CYP1A1: variants seen among roughly 807,000 people sequenced by gnomAD.
CYP1A1 encodes the protein cytochrome P450 1A1.
A neutral mutation model predicts 33.6 loss-of-function variants in CYP1A1; 43 were observed. That is an observed-to-expected ratio of 1.28 (90% CI 1.00 to 1.65). The LOEUF is 1.65. Among genes scored for constraint, CYP1A1 ranks in the 40% most tolerant of loss-of-function variants. CYP1A1 has a pLI of 0.00. For synonymous variants in CYP1A1, 280 were observed against 257.8 expected (o/e 1.09, Z -0.83); for missense variants, 637 against 653.7 (o/e 0.97, Z 0.28).
intron 1 of CYP1A1, among the ~76,000 whole-genome samples, chr15:74,723,448 C>G (rs1452978031): frequency 6.6e-6 from 1 of 152,160 alleles, no homozygotes; most frequent in African/African-American, 2.4e-5. Context: ...TTCCAGAACG[C>G]TTTCTCTTAA....
chr15:74,723,064 A>G lies in CYP1A1; in HGVS notation c.34T>C (p.Phe12Leu). The change falls in exon 2 of 7, where the codon TTT becomes CTT. Residue 12 changes from phenylalanine (F) to leucine (L), a missense_variant. Transcript: ENST00000379727. ...CAGAAGATGACAGAGGCCAGAAGAA[A>G]CTCCGTGGCCGACATGGAGATTGGG... ...LFPISMSATE[F>L]LLASVIFCLV... The G allele has an allele frequency of 1.3e-6, 2 of 1,599,126 alleles. No individual in the cohort carries two copies. Among genetic ancestry groups the G allele is most frequent in the Non-Finnish European group, 8.5e-7 (1 of 1,170,300 alleles).
chr15:74,724,403 C>T (rs1291493039), intron 1 of CYP1A1, among the ~76,000 whole-genome samples: 1 of 152,080 alleles, frequency 6.6e-6, no homozygotes, highest in Non-Finnish European at 1.5e-5. Flanking sequence ...TCAAAGTGAT[C>T]TTGGACTGCA....
chr15:74,721,238 A>T lies in CYP1A1; in HGVS notation c.1127T>A (p.Phe376Tyr), dbSNP rs1276203155. Residue 376 changes from phenylalanine (F) to tyrosine (Y), a missense_variant, in exon 5 of 7, where the codon TTC (phenylalanine) becomes TAC (tyrosine). Phe to Tyr is a conservative substitution (Grantham distance 22). Transcript: ENST00000379727. ...GAAGGGGACGAAGGAAGAGTGTCGG[A>T]AGGTCTCCAGGATGAAGGCCTCCAT... ...PYMEAFILET[F>Y]RHSSFVPFTI... 3 of 1,613,774 alleles carry T rather than the reference A, an allele frequency of 1.9e-6. No individual in the cohort carries two copies. The highest frequency in any genetic ancestry group is 4.5e-5 in the East Asian group (2 of 44,870).
chr15:74,720,888 T>C, intron 6 of CYP1A1, 79 bp downstream of exon 6: 1 of 1,566,916 alleles, frequency 6.4e-7, no homozygotes, highest in Non-Finnish European at 8.7e-7. Flanking sequence ...GACAGGAGGA[T>C]CAATGCAATG....
In CYP1A1 at chr15:74,725,439, A is replaced by G. The variant is rs909841099; in HGVS notation, c.-30+2T>C. On this transcript the variant is annotated splice_donor_variant, in intron 1 of 6. Transcript: ENST00000379727. LOFTEE classifies it low-confidence loss of function (5UTR_SPLICE). ...CAAGCCAGAAGTCCCCCAGCAACTC[A>G]CCTGAGGTACTGAGCTGAGCTGGGA... The G allele has an allele frequency of 2.6e-5, 4 of 151,984 alleles. No homozygotes were observed. Among genetic ancestry groups the G allele is most frequent in the African/African-American group, 9.7e-5 (4 of 41,278 alleles). The allele number at this position is 151,984 out of a possible 1,614,324, so 9.4% of individuals were successfully genotyped here.
chr15:74,721,145 A>G (rs2063166186), intron 5 of CYP1A1, 54 bp downstream of exon 5: 3 of 1,608,260 alleles, frequency 1.9e-6, no homozygotes, highest in Non-Finnish European at 1.7e-6. Flanking sequence ...CTAATCAGGT[A>G]TGTGGTCCGG....
In CYP1A1 at chr15:74,722,808, A is replaced by T; in HGVS notation, c.290T>A (p.Val97Glu). Residue 97 changes from valine to glutamate, a missense_variant, in exon 2 of 7, where the codon GTG becomes GAG. Coordinates refer to ENST00000379727, the MANE Select transcript of CYP1A1 (RefSeq NM_001319217.2). ...SGLDTIRQALVRQGDDFKGRP... is the reference protein window; with the variant it reads ...SGLDTIRQALERQGDDFKGRP... ...GCCCTTGAAATCATCGCCCTGCCGC[A>T]CCAGGGCCTGCCGGATGGTGTCCAG... The T allele has an allele frequency of 1.9e-6, 3 of 1,613,930 alleles. No individual in the cohort carries two copies. In the South Asian group the frequency reaches 3.3e-5, roughly 18 times the overall value.
At position 74,720,551 on chromosome 15, in the gene CYP1A1, TG is replaced by T; in HGVS notation, c.1476del (p.Ile493SerfsTer4). ...VPLGVKVDMT[P>X]IYGLTMKHAC... ...GCATGCTTCATGGTTAGCCCATAGA[TG>T]GGGGTCATGTCCACCTTCACGCCCA... On this transcript the variant is annotated frameshift_variant, in exon 7 of 7. Coordinates refer to ENST00000379727, the MANE Select transcript of CYP1A1 (RefSeq NM_001319217.2). LOFTEE classifies it high-confidence loss of function. The T allele has an allele frequency of 6.2e-7, 1 of 1,610,518 alleles. No homozygotes were observed. Among genetic ancestry groups the T allele is most frequent in the Non-Finnish European group, 8.5e-7 (1 of 1,178,220 alleles).
In CYP1A1 at chr15:74,720,238, A is replaced by G. The variant is rs2063156623; in HGVS notation, c.*251T>C. ...TAGCAGGCCTCCTGGCTCAAGCACA[A>G]CTTGGGAAGGCTCCATCAGCATCTA... is the stretch of plus-strand genomic sequence containing the variant. On this transcript the variant is annotated 3_prime_UTR_variant, in exon 7 of 7. Coordinates refer to ENST00000379727, the MANE Select transcript of CYP1A1 (RefSeq NM_001319217.2). 2.6e-6 allele frequency: 1 copy of G among 390,258 alleles called. No individual in the cohort carries two copies. The highest frequency in any genetic ancestry group is 4.5e-6 in the Non-Finnish European group (1 of 222,136). The allele number at this position is 390,258 out of a possible 1,614,324, so 24.2% of individuals were successfully genotyped here.
intron 6 of CYP1A1, 77 bp from the exon 7 acceptor site, chr15:74,720,851 G>GGATA: frequency 6.4e-7 from 1 of 1,570,506 alleles, no homozygotes; most frequent in Non-Finnish European, 8.7e-7. Context: ...CAGCCCCAAA[G>GGATA]GATAGAGGAC....
chr15:74,723,442 A>C (rs915147811), intron 1 of CYP1A1, among the ~76,000 whole-genome samples: 8 of 152,216 alleles, frequency 5.3e-5, no homozygotes, highest in Non-Finnish European at 1.0e-4. Context: ...GCCTAATTCC[A>C]GAACGCTTTC....
At chr15:74,724,106 GT>G (rs4646419) in intron 1 of CYP1A1, among the ~76,000 whole-genome samples, 64 of 151,146 alleles carry the variant, frequency 4.2e-4, no homozygotes, top group African/African-American at 1.6e-3. Flanking sequence ...CCAGGCCAGG[GT>G]TTTTTTTTGG....
chr15:74,722,463 TGGTGGTTGTGGTCATAGC>T lies in CYP1A1; in HGVS notation c.617_634del (p.Arg206_His211del). 1 of 1,613,956 alleles carries T rather than the reference TGGTGGTTGTGGTCATAGC, an allele frequency of 6.2e-7. No individual in the cohort carries two copies. Among genetic ancestry groups the T allele is most frequent in the Non-Finnish European group, 8.5e-7 (1 of 1,179,978 alleles). On this transcript the variant is annotated inframe_deletion, in exon 2 of 7. Coordinates refer to ENST00000379727, the MANE Select transcript of CYP1A1 (RefSeq NM_001319217.2). ...CAGGTTGACTAGGCTAAGCAGTTCT[TGGTGGTTGTGGTCATAGC>T]GCCGGCCAAAGCAAATGGCACAGAT...
At chr15:74,722,232 A>G (rs1436671265) in intron 2 of CYP1A1, 41 bp downstream of exon 2, 13 of 1,550,046 alleles carry the variant, frequency 8.4e-6, no homozygotes, top group Middle Eastern at 1.7e-4. Context: ...CCCTGATGCC[A>G]TCTGCTTCCC....
At chr15:74,723,650 G>A (rs1357790250) in intron 1 of CYP1A1, among the ~76,000 whole-genome samples, 1 of 152,008 alleles carries the variant, frequency 6.6e-6, no homozygotes, top group African/African-American at 2.4e-5. Context: ...CATAATCAAG[G>A]TGTATCACCC....
In CYP1A1 at chr15:74,721,454, C is replaced by T; in HGVS notation, c.1002G>A (p.Val334=). 6.2e-7 allele frequency: 1 copy of T among 1,614,164 alleles called. No individual in the cohort carries two copies. Among genetic ancestry groups the T allele is most frequent in the East Asian group, 2.2e-5 (1 of 44,884 alleles). The change falls in exon 4 of 7, where the codon GTG becomes GTA. Residue 334 remains valine, a synonymous_variant. Coordinates refer to ENST00000379727, the MANE Select transcript of CYP1A1 (RefSeq NM_001319217.2). The part of the protein sequence containing the change: ...TAISWSLMYL[V]MNPRVQRKIQ... ...TCTTTCTCTGTACCCTGGGGTTCAT[C>T]ACCAAATACATGAGGCTCCAGGAGA...
chr15:74,721,232 T>G lies in CYP1A1; in HGVS notation c.1133A>C (p.His378Pro). 3 of 1,612,506 alleles carry G rather than the reference T, an allele frequency of 1.9e-6. No individual in the cohort carries two copies. The highest frequency in any genetic ancestry group is 2.5e-6 in the Non-Finnish European group (3 of 1,179,548). ...GATGGTGAAGGGGACGAAGGAAGAG[T>G]GTCGGAAGGTCTCCAGGATGAAGGC... ...MEAFILETFRHSSFVPFTIPH... is the reference protein window; with the variant it reads ...MEAFILETFRPSSFVPFTIPH... Residue 378 changes from histidine to proline, a missense_variant, in exon 5 of 7, where the codon CAC (histidine) becomes CCC (proline). By Grantham distance (77) the His-to-Pro change is moderately conservative. Transcript: ENST00000379727.
rs1056775144 is a variant in CYP1A1, at chr15:74,721,676, A to G, written c.867T>C (p.Cys289=). 1 of 1,614,156 alleles carries G rather than the reference A, an allele frequency of 6.2e-7. No individual in the cohort carries two copies. Among genetic ancestry groups the G allele is most frequent in the South Asian group, 1.1e-5 (1 of 91,086 alleles). ...CGTTCTCATCCAGCTGCTTCTCCTG[A>G]CAGTGCTCAATCAGGCTGTCTGTGA... ...RDITDSLIEH[C]QEKQLDENAN... Residue 289 remains cysteine, a synonymous_variant, in exon 3 of 7, where the codon TGT becomes TGC. Coordinates refer to ENST00000379727, the MANE Select transcript of CYP1A1 (RefSeq NM_001319217.2).
Position 74,721,615 on chromosome 15 carries a change from T to A in CYP1A1, c.928A>T (p.Ile310Phe). 6.2e-7 allele frequency: 1 copy of A among 1,614,184 alleles called. No individual in the cohort carries two copies. The highest frequency in any genetic ancestry group is 8.5e-7 in the Non-Finnish European group (1 of 1,180,040). The change falls in exon 3 of 7, where the codon ATC (isoleucine) becomes TTC (phenylalanine). Residue 310 changes from isoleucine to phenylalanine, a missense_variant. Physicochemically the swap from Ile to Phe is conservative, Grantham distance 21. Transcript: ENST00000379727. ...CCAGCTCCAAAGAGGTCCAAGACGA[T>A]GTTAATGATCTTCTCATCTGACAGC... ...VQLSDEKIINIVLDLFGAGFD... is the reference protein window; with the variant it reads ...VQLSDEKIINFVLDLFGAGFD...
Sources: gnomAD v4.1 joint callset for allele counts (sites outside exome capture counted in the v4.1 genomes callset) on GRCh38, gnomAD v4.1.1 for gene constraint, MANE v1.5 for transcripts, NCBI Gene and HGNC (gene_info 2026-07-23, HGNC 2026-07-21) for gene names.